The following PHYHIPL variants were observed in gnomAD, a reference collection of about 807,000 sequenced individuals.
PHYHIPL encodes the protein phytanoyl-CoA 2-hydroxylase interacting protein like, also known as phytanoyl-CoA hydroxylase-interacting protein-like.
In PHYHIPL, 9 loss-of-function variants were observed where a neutral mutation model predicts 33.4. The observed-to-expected ratio is 0.27, with a 90% CI of 0.16 to 0.47. The LOEUF is 0.47. Among genes scored for constraint, PHYHIPL ranks in the 20% least tolerant of loss-of-function variants. PHYHIPL has a pLI of 0.99. For missense variants in PHYHIPL, 365 were observed against 460.7 expected, an observed-to-expected ratio of 0.79 and a Z score of 1.90; for synonymous variants, 153 against 154.1, an observed-to-expected ratio of 0.99 and a Z score of 0.05.
rs1840240504 is a variant in PHYHIPL, at chr10:59,236,797, CAG to C, written c.478+142_478+143del. The C allele has an allele frequency of 4.7e-6, 3 of 635,840 alleles. No homozygotes were observed. The South Asian group carries it at 1.1e-4, about 22-fold the overall frequency. 39.4% of individuals were successfully genotyped at this position (635,840 alleles called of 1,614,324 possible). On this transcript the variant is annotated intron_variant, in intron 3 of 4. Transcript: ENST00000373880. ...TTGCGTTGTCAGTAGCATTGTGTAA[CAG>C]AATAAACAATGTTGTATTGATTGGA...
At chr10:59,206,086 A>G (rs1275291884) in intron 1 of PHYHIPL, among the ~76,000 whole-genome samples, 2 of 152,192 alleles carry the variant, frequency 1.3e-5, no homozygotes. Flanking sequence ...ATCTATCTCT[A>G]GCAATTGAAT....
rs538758646 is a variant in PHYHIPL, at chr10:59,223,686, A to C, written c.107-10618A>C. On this transcript the variant is annotated intron_variant, in intron 1 of 4. Transcript: ENST00000373880. ...AGTTTAACTATTTTTTTTTTGAGACAGGGTCTCTGTCACCAAGGCTAGAGT... is the reference window on the plus strand; with the variant it reads ...AGTTTAACTATTTTTTTTTTGAGACCGGGTCTCTGTCACCAAGGCTAGAGT... Among the ~76,000 whole-genome samples the C allele has an allele frequency of 5.3e-5, 8 of 151,972 alleles. No homozygotes were observed. The East Asian group carries it at 1.6e-3, about 29-fold the overall frequency.
chr10:59,193,654 G>A (rs184177072), intron 1 of PHYHIPL, among the ~76,000 whole-genome samples: 1 of 151,994 alleles, frequency 6.6e-6, no homozygotes, highest in East Asian at 1.9e-4. Flanking sequence ...GACTCTTTTT[G>A]TTTAAGCTTA....
intron 1 of PHYHIPL, among the ~76,000 whole-genome samples, chr10:59,220,566 G>A (rs1839741041): frequency 6.6e-6 from 1 of 152,102 alleles, no homozygotes; most frequent in Admixed American, 6.5e-5. Context: ...TGAGAAAAAA[G>A]GTGCTAGCCT....
chr10:59,245,344 T>G lies in PHYHIPL; in HGVS notation c.884T>G (p.Phe295Cys). The G allele has an allele frequency of 6.2e-7, 1 of 1,614,166 alleles. No individual in the cohort carries two copies. The highest frequency in any genetic ancestry group is 2.2e-5 in the East Asian group (1 of 44,872). Residue 295 changes from phenylalanine (F) to cysteine (C), a missense_variant, in exon 5 of 5, where the codon TTT (phenylalanine) becomes TGT (cysteine). Phe to Cys is a radical substitution (Grantham distance 205, BLOSUM62 -2). This residue lies in a region of PHYHIPL where 196 missense variants were observed against 224.9 expected (regional missense o/e 0.87). Transcript: ENST00000373880. ...IAPVGSPGDE[F>C]CKQRLPQLNS... ...CCTGTGGGATCACCAGGAGATGAAT[T>G]TTGTAAGCAGCGCCTTCCTCAACTA...
upstream of PHYHIPL, among the ~76,000 whole-genome samples, chr10:59,175,856 T>C (rs1182382223): frequency 4.6e-5 from 7 of 152,210 alleles, no homozygotes; most frequent in Admixed American, 1.3e-4. Flanking sequence ...TGAATACTTA[T>C]TTGCTACGCG....
At chr10:59,227,975 GAT>G (rs1554799094) in intron 1 of PHYHIPL, among the ~76,000 whole-genome samples, 3 of 145,488 alleles carry the variant, frequency 2.1e-5, no homozygotes, top group Non-Finnish European at 4.5e-5. Flanking sequence ...TGCCTATTGA[GAT>G]ATATATATAT....
chr10:59,185,737 G>C lies in PHYHIPL; in HGVS notation c.106+8778G>C, dbSNP rs558613833. Among the ~76,000 whole-genome samples, 4 of 152,278 alleles carry C rather than the reference G, an allele frequency of 2.6e-5. No individual in the cohort carries two copies. In the East Asian group the frequency reaches 7.7e-4, roughly 29 times the overall value. On this transcript the variant is annotated intron_variant, in intron 1 of 4. Transcript: ENST00000373880. ...CCAGTAATGATGAGCATTTTTTCATGTGTCTGTTGGCTGCGTAAATGTCTT... is the reference window on the plus strand; with the variant it reads ...CCAGTAATGATGAGCATTTTTTCATCTGTCTGTTGGCTGCGTAAATGTCTT...
chr10:59,196,349 A>G (rs1334094164), intron 1 of PHYHIPL, among the ~76,000 whole-genome samples: 2 of 150,360 alleles, frequency 1.3e-5, no homozygotes, highest in Non-Finnish European at 1.5e-5. Flanking sequence ...TGTACATAAT[A>G]TATTAGTATA....
chr10:59,209,725 A>G (rs1247112450), intron 1 of PHYHIPL, among the ~76,000 whole-genome samples: 3 of 152,234 alleles, frequency 2.0e-5, no homozygotes, highest in Admixed American at 6.5e-5. Context: ...ACAGATATGT[A>G]GACCAGTGGA....
At chr10:59,175,521 T>C (rs1838234255), upstream of PHYHIPL, among the ~76,000 whole-genome samples, 1 of 152,228 alleles carries the variant, frequency 6.6e-6, no homozygotes, top group South Asian at 2.1e-4. Context: ...TATTAATTTA[T>C]AAGCACATTA....
At chr10:59,211,499 C>T (rs1163492448) in intron 1 of PHYHIPL, among the ~76,000 whole-genome samples, 2 of 151,784 alleles carry the variant, frequency 1.3e-5, no homozygotes, top group Admixed American at 1.3e-4. Context: ...GCCTCAGCCT[C>T]CCGAGTAGCT....
upstream of PHYHIPL, among the ~76,000 whole-genome samples, chr10:59,173,959 T>TG (rs1838210411): frequency 7.9e-6 from 1 of 127,142 alleles, no homozygotes; most frequent in Non-Finnish European, 1.6e-5. Flanking sequence ...TTTTTTTTTT[T>TG]TGGGGAGGAG....
intron 2 of PHYHIPL, among the ~76,000 whole-genome samples, chr10:59,235,787 TTTAA>T (rs949241993): frequency 1.9e-4 from 29 of 152,068 alleles, no homozygotes; most frequent in Admixed American, 3.9e-4. Context: ...AACTAGCAGA[TTTAA>T]TTAATCACTT....
chr10:59,186,241 A>G (rs1838597687), intron 1 of PHYHIPL, among the ~76,000 whole-genome samples: 3 of 152,092 alleles, frequency 2.0e-5, no homozygotes, highest in South Asian at 2.1e-4. Context: ...CCCATGGCTT[A>G]TTTTTGTCAG....
upstream of PHYHIPL, among the ~76,000 whole-genome samples, chr10:59,173,921 GTTTTTTTTTTTTTTTTTTTTT>G (rs368316005): frequency 9.6e-3 from 553 of 57,558 alleles, 13 homozygotes; most frequent in African/African-American, 0.029. Flanking sequence ...TACTTCTGAG[GTTTTTTTTTTTTTTTTTTTTT>G]TTTTTTTTTT....
At position 59,184,437 on chromosome 10, in the gene PHYHIPL, T is replaced by G. The variant is rs190212666; in HGVS notation, c.106+7478T>G. Among the ~76,000 whole-genome samples the G allele has an allele frequency of 3.9e-3, 597 of 152,262 alleles. 2 individuals are homozygous for G. The highest frequency in any genetic ancestry group is 6.4e-3 in the Non-Finnish European group (433 of 67,984). On this transcript the variant is annotated intron_variant, in intron 1 of 4. Coordinates refer to ENST00000373880, the MANE Select transcript of PHYHIPL (RefSeq NM_032439.4). ...GTAAAAATATTGCAAAGAGAGTTTT[T>G]GGGAAAAAACTGTGTACTCATCTTA...
chr10:59,226,313 C>T (rs543451680), intron 1 of PHYHIPL, among the ~76,000 whole-genome samples: 80 of 152,178 alleles, frequency 5.3e-4, no homozygotes, highest in Non-Finnish European at 1.1e-3. Context: ...TGATGATATA[C>T]ATGGAGGACA....
At chr10:59,209,556 A>G (rs1839387538) in intron 1 of PHYHIPL, among the ~76,000 whole-genome samples, 1 of 152,198 alleles carries the variant, frequency 6.6e-6, no homozygotes, top group Non-Finnish European at 1.5e-5. Context: ...TCACAAAGAC[A>G]GGATCAAATT....
Sources: gnomAD v4.1 joint callset for allele counts (sites outside exome capture counted in the v4.1 genomes callset) on GRCh38, gnomAD v4.1.1 for gene constraint, gnomAD v4.1.1 regional missense constraint, MANE v1.5 for transcripts, NCBI Gene and HGNC (gene_info 2026-07-23, HGNC 2026-07-21) for gene names.